MTHFD1: variants seen among roughly 807,000 people sequenced by gnomAD.
MTHFD1 encodes the protein methylenetetrahydrofolate dehydrogenase, cyclohydrolase and formyltetrahydrofolate synthetase 1, also known as C-1-tetrahydrofolate synthase, cytoplasmic.
Under a neutral mutation model 110.3 loss-of-function variants are expected in MTHFD1, and 44 were observed. The ratio of observed to expected loss-of-function variants is 0.40; its 90% CI spans 0.31 to 0.51. The LOEUF is 0.51. Among genes scored for constraint, MTHFD1 ranks in the 20% least tolerant of loss-of-function variants. The probability of loss-of-function intolerance (pLI) is 0.60; values close to 1 mark genes in which losing one functional copy is unlikely to be tolerated. For missense variants in MTHFD1, 909 were observed against 1,173.1 expected (o/e 0.77, Z 3.29); for synonymous variants, 402 against 428.8 (o/e 0.94, Z 0.77).
At chr14:64,422,117 A>C (rs2078079488) in intron 8 of MTHFD1, among the ~76,000 whole-genome samples, 1 of 152,138 alleles carries the variant, frequency 6.6e-6, no homozygotes, top group Admixed American at 6.5e-5. Flanking sequence ...GTAGACAATA[A>C]AATATGAATA....
intron 2 of MTHFD1, among the ~76,000 whole-genome samples, chr14:64,409,422 A>G (rs2077964147): frequency 6.6e-6 from 1 of 152,246 alleles, no homozygotes; most frequent in Non-Finnish European, 1.5e-5. Flanking sequence ...GCAAGTGATA[A>G]AACAATTTAA....
chr14:64,457,335 A>T (rs538890678), intron 26 of MTHFD1, among the ~76,000 whole-genome samples: 36 of 152,030 alleles, frequency 2.4e-4, no homozygotes, highest in Non-Finnish European at 4.4e-4. Context: ...ACTCCCCAGC[A>T]CTCATTCTTG....
In MTHFD1 at chr14:64,440,252, A is replaced by C. The variant is rs1348501789; in HGVS notation, c.1801A>C (p.Ser601Arg). 1 of 1,614,120 alleles carries C rather than the reference A, an allele frequency of 6.2e-7. No homozygotes were observed. The highest frequency in any genetic ancestry group is 8.5e-7 in the Non-Finnish European group (1 of 1,180,062). ...VASSKKGEPV[S>R]AEDLGVSGAL... Reference sequence around the variant, plus strand: ...ATCCAGTAAGAAAGGAGAGCCCGTCAGTGCCGAAGATCTGGTGGGTACCCA... The same window carrying C: ...ATCCAGTAAGAAAGGAGAGCCCGTCCGTGCCGAAGATCTGGTGGGTACCCA... The change falls in exon 18 of 28, where the codon AGT (serine) becomes CGT (arginine). Residue 601 changes from serine (S) to arginine (R), a missense_variant. Physicochemically the swap from Ser to Arg is moderately radical, Grantham distance 110 (BLOSUM62 -1). Coordinates refer to ENST00000652337, the MANE Select transcript of MTHFD1 (RefSeq NM_005956.4).
rs775425863 is a variant in MTHFD1, at chr14:64,415,401, A to C, written c.284A>C (p.His95Pro). ...ITSLNEDSTV[H>P]GFLVQLPLDS... ...TCTTTGAATGAAGACTCTACTGTAC[A>C]TGGGTTCTTAGTGCAGCTACCTTTA... The change falls in exon 5 of 28, where the codon CAT (histidine) becomes CCT (proline). Residue 95 changes from histidine (H) to proline (P), a missense_variant. Around this residue, in one of 3 missense-constraint regions of MTHFD1, gnomAD observed 424 missense variants for 510.4 expected, o/e 0.83. Transcript: ENST00000652337. 1 of 1,612,238 alleles carries C rather than the reference A, an allele frequency of 6.2e-7. No individual in the cohort carries two copies. Among genetic ancestry groups the C allele is most frequent in the South Asian group, 1.1e-5 (1 of 91,032 alleles).
At chr14:64,449,759 C>T in intron 24 of MTHFD1, 137 bp downstream of exon 24, 1 of 975,352 alleles carries the variant, frequency 1.0e-6, no homozygotes, top group South Asian at 1.4e-5. Flanking sequence ...GTGACTTACA[C>T]AACCACAGCC....
chr14:64,413,878 G>C (rs2078004470), intron 4 of MTHFD1, among the ~76,000 whole-genome samples: 1 of 152,180 alleles, frequency 6.6e-6, no homozygotes, highest in Non-Finnish European at 1.5e-5. Context: ...TGCCTCAGCT[G>C]CAGCACAGTG....
At chr14:64,448,797 A>G (rs2078321351) in intron 23 of MTHFD1, among the ~76,000 whole-genome samples, 2 of 132,028 alleles carry the variant, frequency 1.5e-5, no homozygotes, top group South Asian at 2.3e-4. Flanking sequence ...TGGGAAGCAA[A>G]AAATCTTTTT....
At chr14:64,458,080 G>T in intron 26 of MTHFD1, 134 bp from the exon 27 acceptor site, 1 of 765,422 alleles carries the variant, frequency 1.3e-6, no homozygotes, top group African/African-American at 1.7e-5. Flanking sequence ...TGTAGAGATG[G>T]GGGTCTCACT....
At chr14:64,439,896 A>G (rs61288516) in intron 17 of MTHFD1, among the ~76,000 whole-genome samples, 3,577 of 133,280 alleles carry the variant, frequency 0.027, 84 homozygotes, top group African/African-American at 0.1. Context: ...TCTGTCTCCA[A>G]AAAAAAAAAA....
rs1316792846 is a variant in MTHFD1 at position 64,419,933 on chromosome 14, T to G, written c.727+8T>G. The stretch of plus-strand genomic sequence containing the variant: ...GAATCAATTATGTCCCAGGTGAGTG[T>G]TGTTGGAGGAGTAAGGTGGCTGCTG... On this transcript the variant is annotated splice_region_variant and intron_variant, in intron 8 of 27. Coordinates refer to ENST00000652337, the MANE Select transcript of MTHFD1 (RefSeq NM_005956.4). The G allele has an allele frequency of 1.9e-6, 3 of 1,593,208 alleles. No individual in the cohort carries two copies. Among genetic ancestry groups the G allele is most frequent in the Non-Finnish European group, 2.6e-6 (3 of 1,161,286 alleles).
Position 64,440,266 on chromosome 14 carries a change from G to T in MTHFD1, c.1815G>T (p.Leu605=). Residue 605 remains leucine, a splice_region_variant and synonymous_variant, in exon 18 of 28, where the codon CTG becomes CTT. Coordinates refer to ENST00000652337, the MANE Select transcript of MTHFD1 (RefSeq NM_005956.4). ...KKGEPVSAED[L]GVSGALTVLM... ...GAGAGCCCGTCAGTGCCGAAGATCT[G>T]GTGGGTACCCAGACACGCCAGGCTT... is the stretch of plus-strand genomic sequence containing the variant. The T allele has an allele frequency of 6.2e-7, 1 of 1,614,182 alleles. No homozygotes were observed. The highest frequency in any genetic ancestry group is 1.1e-5 in the South Asian group (1 of 91,074).
chr14:64,453,925 T>G, intron 25 of MTHFD1, 64 bp downstream of exon 25: 3 of 1,027,018 alleles, frequency 2.9e-6, no homozygotes, highest in Non-Finnish European at 4.6e-6. Context: ...TCACAATCTC[T>G]GGGTCCTCCC....
intron 8 of MTHFD1, among the ~76,000 whole-genome samples, chr14:64,421,860 C>G (rs1011450955): frequency 6.6e-6 from 1 of 152,054 alleles, no homozygotes; most frequent in Middle Eastern, 3.2e-3. Context: ...CTCCTGACCT[C>G]GTGATCCGCC....
intron 10 of MTHFD1, 21 bp downstream of exon 10, chr14:64,425,848 AT>A (rs776964816): frequency 1.9e-6 from 3 of 1,602,748 alleles, no homozygotes; most frequent in Non-Finnish European, 2.6e-6. Context: ...AGTTTTACTG[AT>A]TTAAAACTTT....
At chr14:64,396,698 C>T (rs758109743) in intron 1 of MTHFD1, among the ~76,000 whole-genome samples, 13 of 150,996 alleles carry the variant, frequency 8.6e-5, no homozygotes, top group Admixed American at 5.3e-4. Context: ...CGTGCCCAGC[C>T]GAAGTATTTT....
In MTHFD1 at chr14:64,412,493, A is replaced by T; in HGVS notation, c.208A>T (p.Ile70Phe). ...GCAGATTGGGATCAAAGCCACTCAC[A>T]TTAAGTTACCAAGAACAACCACAGA... ...AEEIGIKATH[I>F]KLPRTTTESE... The change falls in exon 4 of 28, where the codon ATT (isoleucine) becomes TTT (phenylalanine). Residue 70 changes from isoleucine to phenylalanine, a missense_variant. Physicochemically the swap from Ile to Phe is conservative, Grantham distance 21. Transcript: ENST00000652337. 6.2e-7 allele frequency: 1 copy of T among 1,613,812 alleles called. No individual in the cohort carries two copies. Among genetic ancestry groups the T allele is most frequent in the Non-Finnish European group, 8.5e-7 (1 of 1,179,720 alleles).
intron 18 of MTHFD1, chr14:64,440,689 GAC>G (rs1434114999): frequency 3.6e-6 from 1 of 277,978 alleles, no homozygotes; most frequent in Non-Finnish European, 7.0e-6. Flanking sequence ...AGCTTTGGAA[GAC>G]ACATATTGAG....
chr14:64,388,723 A>G lies in MTHFD1; in HGVS notation c.41+255A>G, dbSNP rs546865934. 1.9e-5 allele frequency: 11 copies of G among 585,960 alleles called. No individual in the cohort carries two copies. In the East Asian group the frequency reaches 2.8e-4, roughly 15 times the overall value. 36.3% of individuals were successfully genotyped at this position (585,960 alleles called of 1,614,324 possible). The stretch of plus-strand genomic sequence containing the variant: ...GTGCCGACTATGCTCCCAAACGCGC[A>G]GCTGCTGGTGACTTTCTGCCGGGAG... On this transcript the variant is annotated intron_variant, in intron 1 of 27. Coordinates refer to ENST00000652337, the MANE Select transcript of MTHFD1 (RefSeq NM_005956.4).
chr14:64,414,258 C>T (rs1442882621), intron 4 of MTHFD1, among the ~76,000 whole-genome samples: 1 of 149,282 alleles, frequency 6.7e-6, no homozygotes, highest in African/African-American at 2.5e-5. Flanking sequence ...GCTGGGATTA[C>T]AGGCGTGAGC....
Sources: allele counts gnomAD v4.1 joint callset (sites outside exome capture counted in the v4.1 genomes callset), GRCh38; gene constraint gnomAD v4.1.1; regional missense constraint gnomAD v4.1.1; transcripts MANE v1.5; gene names NCBI Gene and HGNC (gene_info 2026-07-23, HGNC 2026-07-21).